Variants in NCOA6 observed in about 807,000 individuals in gnomAD.
NCOA6 encodes nuclear receptor coactivator 6, also known as NRC RAP250.
In NCOA6, 49 loss-of-function variants were observed where a neutral mutation model predicts 171.4. The ratio of observed to expected loss-of-function variants is 0.29; its 90% CI spans 0.23 to 0.36. The LOEUF is 0.36. Ranked by LOEUF, NCOA6 falls within the 10% of genes least tolerant of loss-of-function variation. NCOA6 has a pLI of 1.00. For synonymous variants in NCOA6, 910 were observed against 927.5 expected, an observed-to-expected ratio of 0.98 and a Z score of 0.34; for missense variants, 2,248 against 2,554.5, an observed-to-expected ratio of 0.88 and a Z score of 2.59.
Position 34,786,121 on chromosome 20 carries a change from T to C in NCOA6, c.-49-3717A>G, listed in dbSNP as rs1601022412. On this transcript the variant is annotated intron_variant, in intron 2 of 14. Coordinates refer to ENST00000359003, the MANE Select transcript of NCOA6 (RefSeq NM_014071.5). ...TCCATTTCTTCTAGATTTTCTAGTT[T>C]ATGTACATAGAGGTGTTTATAGTAT... Among the ~76,000 whole-genome samples, 3 of 152,328 alleles carry C rather than the reference T, an allele frequency of 2.0e-5. No individual in the cohort carries two copies. In the South Asian group the frequency reaches 6.2e-4, roughly 32 times the overall value.
intron 1 of NCOA6, among the ~76,000 whole-genome samples, chr20:34,816,611 G>A (rs1419530329): frequency 6.6e-6 from 1 of 151,908 alleles, no homozygotes; most frequent in Non-Finnish European, 1.5e-5. Flanking sequence ...TGTTGGCCAG[G>A]CTGGTCTCAA....
chr20:34,732,622 T>A lies in NCOA6; in HGVS notation c.5963-27A>T, dbSNP rs144208866. On this transcript the variant is annotated intron_variant, in intron 12 of 14. Transcript: ENST00000359003. ...TGCAAAAAAATATAAAGGATAGAAA[T>A]GAAATGTGGGAGCTGCCACAGAGAG... The A allele has an allele frequency of 1.8e-4, 291 of 1,605,740 alleles. 1 individual carries two copies. In the African/African-American group the frequency reaches 3.5e-3, roughly 19 times the overall value.
chr20:34,732,526 T>C (rs2075818031), intron 13 of NCOA6, 33 bp downstream of exon 13: 4 of 1,608,422 alleles, frequency 2.5e-6, no homozygotes, highest in Admixed American at 1.7e-5. Context: ...TTATGCTGTG[T>C]TCATGCTACG....
chr20:34,737,298 G>C (rs1210261854), intron 11 of NCOA6, among the ~76,000 whole-genome samples: 1 of 152,182 alleles, frequency 6.6e-6, no homozygotes, highest in Non-Finnish European at 1.5e-5. Flanking sequence ...AATTTGATAT[G>C]TTATTTACTT....
intron 4 of NCOA6, among the ~76,000 whole-genome samples, chr20:34,773,055 C>T (rs1302495268): frequency 2.6e-5 from 4 of 152,176 alleles, no homozygotes; most frequent in African/African-American, 4.8e-5. Context: ...CCACAAACTA[C>T]GTCCTGTGGG....
intron 3 of NCOA6, among the ~76,000 whole-genome samples, chr20:34,780,113 A>G (rs889613905): frequency 5.3e-5 from 8 of 152,324 alleles, no homozygotes; most frequent in African/African-American, 1.9e-4. Flanking sequence ...TCCACCAATC[A>G]TAGACACTGC....
intron 2 of NCOA6, among the ~76,000 whole-genome samples, chr20:34,783,530 C>G (rs901097791): frequency 1.3e-5 from 2 of 152,298 alleles, no homozygotes; most frequent in East Asian, 3.9e-4. Flanking sequence ...TAATTTTCAG[C>G]ATTTGCGGTA....
intron 2 of NCOA6, among the ~76,000 whole-genome samples, chr20:34,784,910 G>A (rs538191972): frequency 2.0e-5 from 3 of 152,072 alleles, no homozygotes; most frequent in Admixed American, 6.6e-5. Flanking sequence ...GTGAAACCCC[G>A]TCTTTACTGA....
chr20:34,718,592 A>G (rs1440880564), intron 14 of NCOA6, among the ~76,000 whole-genome samples: 14 of 149,458 alleles, frequency 9.4e-5, no homozygotes, highest in Non-Finnish European at 1.9e-4. Context: ...TGCAACCTCC[A>G]CCCCCTGGGT....
chr20:34,738,915 G>A (rs1298585077), intron 11 of NCOA6: 1 of 456,034 alleles, frequency 2.2e-6, no homozygotes, highest in East Asian at 6.9e-5. Context: ...TCAGTGGTAG[G>A]CACTCGAAGC....
At chr20:34,819,579 C>T (rs1333544667) in intron 1 of NCOA6, 2 of 152,136 alleles carry the variant, frequency 1.3e-5, no homozygotes, top group Non-Finnish European at 2.9e-5. Flanking sequence ...CTAAGTAGCT[C>T]CTTGGAAGCA....
intron 1 of NCOA6, among the ~76,000 whole-genome samples, chr20:34,808,461 G>A (rs1460504729): frequency 1.4e-5 from 2 of 138,460 alleles, no homozygotes; most frequent in Non-Finnish European, 3.1e-5. Flanking sequence ...TTTTTGAGTC[G>A]GAGTTTCGCT....
At position 34,750,278 on chromosome 20, in the gene NCOA6, T is replaced by C. The variant is rs146838450; in HGVS notation, c.1917A>G (p.Gln639=). 5.0e-6 allele frequency: 8 copies of C among 1,612,176 alleles called. No individual in the cohort carries two copies. Among genetic ancestry groups the C allele is most frequent in the Admixed American group, 3.3e-5 (2 of 59,904 alleles). Reference sequence around the variant, plus strand: ...TAGGGTTCTGAGGGTTCAAGGTTCCTTGTTGCTGGACCATCTGGCCCTGGG... The same window carrying C: ...TAGGGTTCTGAGGGTTCAAGGTTCCCTGTTGCTGGACCATCTGGCCCTGGG... ...VPSQGQMVQQ[Q]GTLNPQNPMI... is the part of the protein sequence containing the mutation. The change falls in exon 9 of 15, where the codon CAA becomes CAG. Residue 639 remains glutamine, a synonymous_variant. Transcript: ENST00000359003.
At chr20:34,823,059 G>T (rs1217375872) in intron 1 of NCOA6, among the ~76,000 whole-genome samples, 6 of 152,032 alleles carry the variant, frequency 3.9e-5, no homozygotes. Flanking sequence ...TTCTTAACGT[G>T]CTGATAAACA....
intron 13 of NCOA6, among the ~76,000 whole-genome samples, chr20:34,728,374 T>C (rs1990221170): frequency 6.6e-6 from 1 of 152,210 alleles, no homozygotes; most frequent in Non-Finnish European, 1.5e-5. Context: ...CATACACTCC[T>C]AACTGGAGTG....
intron 5 of NCOA6, among the ~76,000 whole-genome samples, chr20:34,760,308 T>C (rs1299071599): frequency 2.6e-5 from 4 of 152,190 alleles, no homozygotes; most frequent in Non-Finnish European, 4.4e-5. Context: ...CCTATACTTA[T>C]TCTCTTTTCC....
intron 10 of NCOA6, among the ~76,000 whole-genome samples, chr20:34,744,857 AGGGTTATGACAT>A (rs1568756904): frequency 6.6e-6 from 1 of 152,216 alleles, no homozygotes; most frequent in Non-Finnish European, 1.5e-5. Context: ...TGTTGATGTC[AGGGTTATGACAT>A]GGATGCCTTT....
intron 14 of NCOA6, among the ~76,000 whole-genome samples, chr20:34,722,684 G>GAA (rs112692497): frequency 0.012 from 1,072 of 90,492 alleles, 23 homozygotes; most frequent in African/African-American, 0.038. Flanking sequence ...TGTCTCAAAT[G>GAA]AAAAAAAAAA....
At chr20:34,814,510 A>G (rs965901924) in intron 1 of NCOA6, among the ~76,000 whole-genome samples, 1 of 152,208 alleles carries the variant, frequency 6.6e-6, no homozygotes, top group Non-Finnish European at 1.5e-5. Flanking sequence ...GACTAAAAAA[A>G]CCTTTATATG....
Sources: gnomAD v4.1 joint callset for allele counts (sites outside exome capture counted in the v4.1 genomes callset) on GRCh38, gnomAD v4.1.1 for gene constraint, MANE v1.5 for transcripts, NCBI Gene and HGNC (gene_info 2026-07-23, HGNC 2026-07-21) for gene names.